Variants in NRBP2 observed in about 807,000 individuals in gnomAD.
NRBP2 encodes the protein nuclear receptor-binding protein 2.
NRBP2 carries 47 observed loss-of-function variants against 74.4 expected under a neutral mutation model. The ratio of observed to expected loss-of-function variants is 0.63; its 90% CI spans 0.50 to 0.81. The LOEUF (loss-of-function observed/expected upper bound fraction) is 0.81, where lower values mean the gene tolerates loss of function less well. Among genes scored for constraint, NRBP2 ranks in the 30% least tolerant of loss-of-function variants. NRBP2 has a pLI of 0.00. For missense variants in NRBP2, 613 were observed against 690.1 expected (o/e 0.89, Z 1.25); for synonymous variants, 312 against 273.8 (o/e 1.14, Z -1.38).
intron 10 of NRBP2, among the ~76,000 whole-genome samples, chr8:143,838,447 A>AG (rs1554652510): frequency 1.3e-5 from 2 of 152,244 alleles, no homozygotes; most frequent in African/African-American, 2.4e-5. Flanking sequence ...TGGCAGCCAC[A>AG]GAGGGAGGGT....
rs1554653375 is a variant in NRBP2, at chr8:143,840,149, G to A, written c.210C>T (p.Asn70=). 6 of 1,536,158 alleles carry A rather than the reference G, an allele frequency of 3.9e-6. No homozygotes were observed. Among genetic ancestry groups the A allele is most frequent in the South Asian group, 3.6e-5 (3 of 84,064 alleles). The change falls in exon 2 of 18, where the codon AAC becomes AAT. Residue 70 remains asparagine, a synonymous_variant. Transcript: ENST00000442628. This position sits in a 1 kb window ranked among gnomAD's most constrained non-coding sequence, Gnocchi z 5.7. ...CCTTCCTGTCTCCGAAGTGGAGCTC[G>A]TTCCACACCACCTCTACCCCCTCCT... ...DTEEGVEVVW[N]ELHFGDRKAF...
rs1307012413 is a variant in NRBP2 at position 143,840,206 on chromosome 8, C to T, written c.153G>A (p.Gly51=). The change falls in exon 2 of 18, where the codon GGG becomes GGA. Residue 51 remains glycine, a synonymous_variant. Transcript: ENST00000442628. The surrounding 1 kb of genome is among the most constrained non-coding windows in gnomAD (Gnocchi z 5.7). ...CCATGGCTAGGAAGGTGCTCTGAAG[C>T]CCTGGCATGTTCCCTTGGTTTACCT... ...REQVNQGNMP[G]LQSTFLAMDT... is the part of the protein sequence containing the mutation. The T allele has an allele frequency of 4.6e-6, 7 of 1,536,012 alleles. No individual in the cohort carries two copies. The African/African-American group carries it at 6.8e-5, about 15-fold the overall frequency.
In NRBP2 at chr8:143,836,321, A is replaced by G. The variant is rs145044218; in HGVS notation, c.1264-141T>C. On this transcript the variant is annotated intron_variant, in intron 14 of 17. Coordinates refer to ENST00000442628, the MANE Select transcript of NRBP2 (RefSeq NM_178564.4). ...CCCATCTCACTGCTAGTGGCTTGGCAAGCTAAGGAAAGCTTCGAGAAGAGT... is the reference window on the plus strand; with the variant it reads ...CCCATCTCACTGCTAGTGGCTTGGCGAGCTAAGGAAAGCTTCGAGAAGAGT... 150 of 1,225,610 alleles carry G rather than the reference A, an allele frequency of 1.2e-4. 5 individuals are homozygous for G. The African/African-American group carries it at 2.1e-3, about 17-fold the overall frequency. The allele number at this position is 1,225,610 out of a possible 1,614,324, so 75.9% of individuals were successfully genotyped here. A position where few individuals can be genotyped will look rare whatever the true frequency, so the allele number is the denominator to read the frequency against.
Position 143,835,811 on chromosome 8 carries a change from C to T in NRBP2, c.1437+9G>A. On this transcript the variant is annotated intron_variant, in intron 17 of 17. Coordinates refer to ENST00000442628, the MANE Select transcript of NRBP2 (RefSeq NM_178564.4). This position sits in a 1 kb window ranked among gnomAD's most constrained non-coding sequence, Gnocchi z 4.9. Reference sequence around the variant, plus strand: ...CCTCCGCCAGGCCGCGCCGCACCGCCCAGCGCACCTCGTGGAGGAAGCCAT... The same window carrying T: ...CCTCCGCCAGGCCGCGCCGCACCGCTCAGCGCACCTCGTGGAGGAAGCCAT... The T allele has an allele frequency of 6.2e-7, 1 of 1,601,064 alleles. No individual in the cohort carries two copies. Among genetic ancestry groups the T allele is most frequent in the Non-Finnish European group, 8.5e-7 (1 of 1,174,814 alleles).
At position 143,835,808 on chromosome 8, in the gene NRBP2, C is replaced by G; in HGVS notation, c.1437+12G>C. 1 of 1,600,416 alleles carries G rather than the reference C, an allele frequency of 6.2e-7. No homozygotes were observed. The highest frequency in any genetic ancestry group is 2.3e-5 in the East Asian group (1 of 44,390). On this transcript the variant is annotated intron_variant, in intron 17 of 17. Transcript: ENST00000442628. The surrounding 1 kb of genome is among the most constrained non-coding windows in gnomAD (Gnocchi z 4.9). ...CCCCCTCCGCCAGGCCGCGCCGCAC[C>G]GCCCAGCGCACCTCGTGGAGGAAGC...
At chr8:143,836,628 C>T (rs1403266002) in intron 14 of NRBP2, among the ~76,000 whole-genome samples, 1 of 142,892 alleles carries the variant, frequency 7.0e-6, no homozygotes, top group African/African-American at 2.6e-5. Flanking sequence ...GGGGGTGCTG[C>T]AGGAAAAGTC....
Position 143,837,810 on chromosome 8 carries a change from C to G in NRBP2, c.841-55G>C, listed in dbSNP as rs782275344. The G allele has an allele frequency of 1.9e-6, 3 of 1,548,908 alleles. No individual in the cohort carries two copies. The highest frequency in any genetic ancestry group is 2.4e-5 in the South Asian group (2 of 84,096). ...GTGCAAGGGCTCTCTGCTCTGGCCC[C>G]GCAGTTCGAGGAGAGGTGGCCCCTG... On this transcript the variant is annotated intron_variant, in intron 10 of 17. Coordinates refer to ENST00000442628, the MANE Select transcript of NRBP2 (RefSeq NM_178564.4). This position sits in a 1 kb window ranked among gnomAD's most constrained non-coding sequence, Gnocchi z 4.3.
Position 143,837,331 on chromosome 8 carries a change from TG to T in NRBP2, c.1077-33del. 1.3e-6 allele frequency: 1 copy of T among 758,850 alleles called. No homozygotes were observed. Among genetic ancestry groups the T allele is most frequent in the Non-Finnish European group, 1.8e-6 (1 of 569,820 alleles). 47.0% of individuals were successfully genotyped at this position (758,850 alleles called of 1,614,324 possible). On this transcript the variant is annotated intron_variant, in intron 12 of 17. Transcript: ENST00000442628. The surrounding 1 kb of genome is among the most constrained non-coding windows in gnomAD (Gnocchi z 4.3). Reference sequence around the variant, plus strand: ...TGGAAGTGGGAGGCACATGAGGGGCTGGCCGGGGCGAGGGGAGGGGAGGTGC... The same window carrying T: ...TGGAAGTGGGAGGCACATGAGGGGCTGCCGGGGCGAGGGGAGGGGAGGTGC...
Position 143,840,600 on chromosome 8 carries a change from T to TTTCC in NRBP2, c.129+102_129+105dup. The TTTCC allele has an allele frequency of 8.8e-7, 1 of 1,133,246 alleles. No individual in the cohort carries two copies. The highest frequency in any genetic ancestry group is 1.2e-6 in the Non-Finnish European group (1 of 852,448). The allele number at this position is 1,133,246 out of a possible 1,614,324, so 70.2% of individuals were successfully genotyped here. A position where few individuals can be genotyped will look rare whatever the true frequency, so the allele number is the denominator to read the frequency against. On this transcript the variant is annotated intron_variant, in intron 1 of 17. Transcript: ENST00000442628. The surrounding 1 kb of genome is among the most constrained non-coding windows in gnomAD (Gnocchi z 5.7). ...CGGGCCGCGAGGGGCCGCGGAGAGG[T>TTTCC]TTCCAGCCGCCGCGCTCTCCCAGCG...
At position 143,837,566 on chromosome 8, in the gene NRBP2, C is replaced by A; in HGVS notation, c.973+57G>T. ...TCAGGCCGTGGGTCCTGCAGGGCCC[C>A]TTCCACGTCCCAACCTCCACCTCCC... is the stretch of plus-strand genomic sequence containing the variant. On this transcript the variant is annotated intron_variant, in intron 11 of 17. Coordinates refer to ENST00000442628, the MANE Select transcript of NRBP2 (RefSeq NM_178564.4). This position sits in a 1 kb window ranked among gnomAD's most constrained non-coding sequence, Gnocchi z 4.3. The A allele has an allele frequency of 6.3e-7, 1 of 1,594,750 alleles. No homozygotes were observed. The highest frequency in any genetic ancestry group is 2.3e-5 in the East Asian group (1 of 44,194).
At chr8:143,838,073 G>A (rs557252996) in intron 10 of NRBP2, 13 of 602,738 alleles carry the variant, frequency 2.2e-5, no homozygotes, top group South Asian at 1.4e-4. Context: ...GGCTCAGCTC[G>A]GGCCCAACAC....
chr8:143,831,260 G>A (rs1196602390), downstream of NRBP2, among the ~76,000 whole-genome samples: 1 of 152,234 alleles, frequency 6.6e-6, no homozygotes, highest in Non-Finnish European at 1.5e-5. Context: ...TCACAAGGCA[G>A]GGAGCAGCAG....
At position 143,835,958 on chromosome 8, in the gene NRBP2, C is replaced by G. The variant is rs1446788638; in HGVS notation, c.1381+9G>C. On this transcript the variant is annotated intron_variant, in intron 16 of 17. Transcript: ENST00000442628. The surrounding 1 kb of genome is among the most constrained non-coding windows in gnomAD (Gnocchi z 4.9). ...ACCGCCCGCCGCCCAAGTCCCCTGC[C>G]CAGCCTACTTGGGAGCAGGTCGTAG... 1.9e-6 allele frequency: 3 copies of G among 1,594,552 alleles called. No homozygotes were observed. The highest frequency in any genetic ancestry group is 1.7e-5 in the Admixed American group (1 of 58,428).
rs535945198 is a variant in NRBP2 at position 143,839,148 on chromosome 8, C to T, written c.604+24G>A. Reference sequence around the variant, plus strand: ...GCGGGCGGGGACCTCTCCAGGACCCCGTCCCCCCAAAGTCCGCACTTACCA... The same window carrying T: ...GCGGGCGGGGACCTCTCCAGGACCCTGTCCCCCCAAAGTCCGCACTTACCA... On this transcript the variant is annotated intron_variant, in intron 7 of 17. Transcript: ENST00000442628. This position sits in a 1 kb window ranked among gnomAD's most constrained non-coding sequence, Gnocchi z 5.1. 385 of 1,516,288 alleles carry T rather than the reference C, an allele frequency of 2.5e-4. 4 individuals carry two copies. In the South Asian group the frequency reaches 4.5e-3, roughly 18 times the overall value. The allele number at this position is 1,516,288 out of a possible 1,614,324, so 93.9% of individuals were successfully genotyped here. A position where few individuals can be genotyped will look rare whatever the true frequency, so the allele number is the denominator to read the frequency against.
chr8:143,838,692 G>A lies in NRBP2; in HGVS notation c.828C>T (p.Asp276=). The change falls in exon 10 of 18, where the codon GAC becomes GAT. Residue 276 remains aspartate (D), a synonymous_variant. Transcript: ENST00000442628. ...GCAAGCTGCTTACCCGCATGTTGGG[G>A]TCACTCAGCGAGTGCCTGGCGCGAG... The part of the protein sequence containing the change: ...AIARARHSLS[D]PNMREFILCC... 3 of 1,609,212 alleles carry A rather than the reference G, an allele frequency of 1.9e-6. No homozygotes were observed. The highest frequency in any genetic ancestry group is 2.5e-6 in the Non-Finnish European group (3 of 1,177,684).
At chr8:143,831,763 G>A (rs537136761), downstream of NRBP2, among the ~76,000 whole-genome samples, 1 of 152,218 alleles carries the variant, frequency 6.6e-6, no homozygotes, top group Non-Finnish European at 1.5e-5. Flanking sequence ...GGGTGAAAGG[G>A]AAGTTGTATA....
Position 143,835,511 on chromosome 8 carries a change from C to T in NRBP2, c.*151G>A, listed in dbSNP as rs1214975458. ...CCTCGGCGCCCAAGGCAGGGTCAGC[C>T]CCACTCTCAGGAGACGGGGGGTTCC... On this transcript the variant is annotated 3_prime_UTR_variant, in exon 18 of 18. Transcript: ENST00000442628. The surrounding 1 kb of genome is among the most constrained non-coding windows in gnomAD (Gnocchi z 4.9). The T allele has an allele frequency of 2.7e-6, 2 of 730,934 alleles. No homozygotes were observed. The highest frequency in any genetic ancestry group is 4.6e-6 in the Non-Finnish European group (2 of 438,804). 45.3% of individuals were successfully genotyped at this position (730,934 alleles called of 1,614,324 possible). A position where few individuals can be genotyped will look rare whatever the true frequency, so the allele number is the denominator to read the frequency against.
At position 143,837,807 on chromosome 8, in the gene NRBP2, C is replaced by T. The variant is rs372367688; in HGVS notation, c.841-52G>A. On this transcript the variant is annotated intron_variant, in intron 10 of 17. Transcript: ENST00000442628. This position sits in a 1 kb window ranked among gnomAD's most constrained non-coding sequence, Gnocchi z 4.3. The stretch of plus-strand genomic sequence containing the variant: ...GGTGTGCAAGGGCTCTCTGCTCTGG[C>T]CCCGCAGTTCGAGGAGAGGTGGCCC... 4,924 of 1,549,486 alleles carry T rather than the reference C, an allele frequency of 3.2e-3. 16 individuals carry two copies. The highest frequency in any genetic ancestry group is 3.9e-3 in the Non-Finnish European group (4,525 of 1,146,742).
intron 9 of NRBP2, 24 bp downstream of exon 9, chr8:143,838,859 C>A (rs782709618): frequency 6.2e-7 from 1 of 1,613,396 alleles, no homozygotes; most frequent in Non-Finnish European, 8.5e-7. Context: ...GGGCAGAGCA[C>A]AAGGTGGAGG....
Sources: allele counts gnomAD v4.1 joint callset (sites outside exome capture counted in the v4.1 genomes callset), GRCh38; gene constraint gnomAD v4.1.1; non-coding constraint Gnocchi (gnomAD v3.1); transcripts MANE v1.5; gene names NCBI Gene and HGNC (gene_info 2026-07-23, HGNC 2026-07-21).